Variants in GSG1L2 observed in about 807,000 individuals in gnomAD.
GSG1L2 encodes the protein germ cell-specific gene 1-like protein 2.
GSG1L2 carries 15 observed loss-of-function variants against 9.0 expected under a neutral mutation model. The ratio of observed to expected loss-of-function variants is 1.67; its 90% CI spans 1.12 to 2.57. The LOEUF (loss-of-function observed/expected upper bound fraction) is 2.57. GSG1L2 is among the 30% of genes most tolerant of loss of function. GSG1L2 has a pLI of 0.00. For synonymous variants in GSG1L2, 127 were observed against 57.9 expected, an observed-to-expected ratio of 2.19 and a Z score of -5.41; for missense variants, 286 against 150.3, an observed-to-expected ratio of 1.90 and a Z score of -4.72.
chr17:9,817,571 C>T (rs1037682136), intron 1 of GSG1L2, among the ~76,000 whole-genome samples: 1 of 151,900 alleles, frequency 6.6e-6, no homozygotes, highest in Non-Finnish European at 1.5e-5. Context: ...ATTACAGGCA[C>T]CCACCACCAC....
chr17:9,809,357 G>C (rs551029592), intron 2 of GSG1L2: 5 of 304,870 alleles, frequency 1.6e-5, no homozygotes, highest in African/African-American at 4.4e-5. Flanking sequence ...CGAAGCCACA[G>C]ACCTTCGCAG....
chr17:9,821,350 C>G (rs1262949546), intron 1 of GSG1L2, among the ~76,000 whole-genome samples: 1 of 151,988 alleles, frequency 6.6e-6, no homozygotes. Context: ...CGAGTTGGGT[C>G]GGGACCACCT....
At chr17:9,813,636 C>T (rs1369004992) in intron 1 of GSG1L2, among the ~76,000 whole-genome samples, 1 of 152,220 alleles carries the variant, frequency 6.6e-6, no homozygotes, top group South Asian at 2.1e-4. Context: ...TCAGTCCTCA[C>T]ACCCTGCTCT....
chr17:9,805,091 T>C (rs150732406), intron 4 of GSG1L2: 1 of 151,842 alleles, frequency 6.6e-6, no homozygotes, highest in Non-Finnish European at 1.5e-5. Context: ...AGAAACAAAA[T>C]ATAAAGAAAG....
intron 1 of GSG1L2, among the ~76,000 whole-genome samples, chr17:9,819,687 C>T (rs1270597826): frequency 1.3e-5 from 2 of 152,082 alleles, no homozygotes; most frequent in African/African-American, 4.8e-5. Flanking sequence ...GGCTGGAGTG[C>T]AATGGTACCA....
Position 9,802,319 on chromosome 17 carries a change from G to A in GSG1L2, c.*67C>T, listed in dbSNP as rs1331303032. 3.3e-6 allele frequency: 2 copies of A among 601,844 alleles called. No homozygotes were observed. The highest frequency in any genetic ancestry group is 2.8e-5 in the East Asian group (1 of 36,362). 37.3% of individuals were successfully genotyped at this position (601,844 alleles called of 1,614,324 possible). On this transcript the variant is annotated 3_prime_UTR_variant, in exon 5 of 5. Transcript: ENST00000399363. ...CTCCTGAAGTCCAACCCAGAGGCAG[G>A]GTGTACATTGTGAGTGTCAGTGCCT...
At chr17:9,806,157 CTT>C (rs1406113461) in intron 4 of GSG1L2, among the ~76,000 whole-genome samples, 2 of 152,186 alleles carry the variant, frequency 1.3e-5, no homozygotes, top group African/African-American at 4.8e-5. Flanking sequence ...TCACTAGTGA[CTT>C]TATTTTTCCC....
chr17:9,801,836 C>A lies in GSG1L2; in HGVS notation c.*550G>T, dbSNP rs1164342434. On this transcript the variant is annotated 3_prime_UTR_variant, in exon 5 of 5. Coordinates refer to ENST00000399363, the MANE Select transcript of GSG1L2 (RefSeq NM_001310219.2). ...ACTGATTTTACTATGAGTAGAAACA[C>A]AAAATTTCCAAGAAAAAATATTTTA... Among the ~76,000 whole-genome samples, 11 of 152,064 alleles carry A rather than the reference C, an allele frequency of 7.2e-5. No individual in the cohort carries two copies. Among genetic ancestry groups the A allele is most frequent in the Admixed American group, 7.2e-4 (11 of 15,262 alleles).
rs1209896204 is a variant in GSG1L2 at position 9,801,663 on chromosome 17, A to G, written c.*723T>C. Among the ~76,000 whole-genome samples the G allele has an allele frequency of 6.6e-6, 1 of 152,212 alleles. No individual in the cohort carries two copies. Among genetic ancestry groups the G allele is most frequent in the East Asian group, 1.9e-4 (1 of 5,200 alleles). ...CACCACTGCCTCCAACAAGACCTGC[A>G]TGTTTGGTAATGTTTATTTTTAGAA... On this transcript the variant is annotated 3_prime_UTR_variant, in exon 5 of 5. Transcript: ENST00000399363.
rs1385120718 is a variant in GSG1L2 at position 9,802,120 on chromosome 17, T to C, written c.*266A>G. ...TCTTTGGTATCCTTATCAAATTCAC[T>C]GTCATTAAGAAGCTCTCTTTTATAC... On this transcript the variant is annotated 3_prime_UTR_variant, in exon 5 of 5. Transcript: ENST00000399363. 2.6e-5 allele frequency among the ~76,000 whole-genome samples: 4 copies of C among 152,236 alleles called. No homozygotes were observed. The highest frequency in any genetic ancestry group is 1.3e-4 in the Admixed American group (2 of 15,280).
intron 1 of GSG1L2, among the ~76,000 whole-genome samples, chr17:9,814,727 G>A (rs1037513445): frequency 7.9e-5 from 12 of 152,180 alleles, no homozygotes; most frequent in Non-Finnish European, 1.8e-4. Flanking sequence ...TGCTTCAGCA[G>A]CCAAGCAGGA....
In GSG1L2 at chr17:9,821,951, G is replaced by T. The variant is rs541186493; in HGVS notation, c.121C>A (p.Pro41Thr). Residue 41 changes from proline to threonine, a missense_variant, in exon 1 of 5, where the codon CCA becomes ACA. Transcript: ENST00000399363. ...WCEGTRRVVKPLCQDQPGGQH... is the reference protein window; with the variant it reads ...WCEGTRRVVKTLCQDQPGGQH... ...CCTCCCGGCTGGTCCTGGCACAGTG[G>T]CTTCACCACCCGTCGGGTCCCCTCA... The T allele has an allele frequency of 1.1e-4, 77 of 703,144 alleles. No homozygotes were observed. Among genetic ancestry groups the T allele is most frequent in the South Asian group, 1.1e-3 (74 of 67,604 alleles). 43.6% of individuals were successfully genotyped at this position (703,144 alleles called of 1,614,324 possible).
rs1029755061 is a variant in GSG1L2 at position 9,802,405 on chromosome 17, C to A, written c.863G>T (p.Gly288Val). The change falls in exon 5 of 5, where the codon GGC becomes GTC. Residue 288 changes from glycine (G) to valine (V), a missense_variant. Coordinates refer to ENST00000399363, the MANE Select transcript of GSG1L2 (RefSeq NM_001310219.2). ...CACTGGCTAGCATATGGACACCTTG[C>A]CTGGGGCGCCTGGTGGGAGGTGTCC... ...VSGHLPPGAP[G>V]KVSIC is the part of the protein sequence containing the mutation. The A allele has an allele frequency of 7.4e-6, 5 of 672,440 alleles. No homozygotes were observed. Among genetic ancestry groups the A allele is most frequent in the Non-Finnish European group, 1.1e-5 (4 of 369,030 alleles). 41.7% of individuals were successfully genotyped at this position (672,440 alleles called of 1,614,324 possible).
chr17:9,821,312 T>C (rs1157876729), intron 1 of GSG1L2, among the ~76,000 whole-genome samples: 1 of 152,234 alleles, frequency 6.6e-6, no homozygotes, highest in Non-Finnish European at 1.5e-5. Flanking sequence ...TCATTCCAAG[T>C]GCAGGATAAA....
chr17:9,817,979 T>C (rs115466896), intron 1 of GSG1L2, among the ~76,000 whole-genome samples: 2,690 of 152,240 alleles, frequency 0.018, 95 homozygotes, highest in African/African-American at 0.061. Flanking sequence ...CCAATCTCCA[T>C]CTATTAAAAT....
At position 9,821,836 on chromosome 17, in the gene GSG1L2, C is replaced by G; in HGVS notation, c.236G>C (p.Gly79Ala). Residue 79 changes from glycine (G) to alanine (A), a missense_variant, in exon 1 of 5, where the codon GGT becomes GCT. Coordinates refer to ENST00000399363, the MANE Select transcript of GSG1L2 (RefSeq NM_001310219.2). ...SQAVLYIWEL[G>A]DDKFIQRGFH... ...CCCCCGCTGAATGAACTTGTCATCA[C>G]CCAGCTCCCAAATGTACAGGACAGC... 1 of 703,528 alleles carries G rather than the reference C, an allele frequency of 1.4e-6. No homozygotes were observed. The highest frequency in any genetic ancestry group is 2.6e-6 in the Non-Finnish European group (1 of 385,112). 43.6% of individuals were successfully genotyped at this position (703,528 alleles called of 1,614,324 possible).
At position 9,807,431 on chromosome 17, in the gene GSG1L2, T is replaced by C. The variant is rs2066519984; in HGVS notation, c.623+59A>G. On this transcript the variant is annotated intron_variant, in intron 4 of 4. Coordinates refer to ENST00000399363, the MANE Select transcript of GSG1L2 (RefSeq NM_001310219.2). Reference sequence around the variant, plus strand: ...TTGGTCATCCTACAAAACATGTGTATGTTTATGTGCATCTCTCCTGATCCT... The same window carrying C: ...TTGGTCATCCTACAAAACATGTGTACGTTTATGTGCATCTCTCCTGATCCT... 3 of 700,454 alleles carry C rather than the reference T, an allele frequency of 4.3e-6. No homozygotes were observed. In the East Asian group the frequency reaches 8.1e-5, roughly 19 times the overall value. The allele number at this position is 700,454 out of a possible 1,614,324, so 43.4% of individuals were successfully genotyped here.
intron 4 of GSG1L2, among the ~76,000 whole-genome samples, chr17:9,806,611 G>A (rs1332399597): frequency 6.6e-6 from 1 of 152,182 alleles, no homozygotes; most frequent in Non-Finnish European, 1.5e-5. Flanking sequence ...CAAAAGGAGG[G>A]CAGTACAAAT....
chr17:9,808,799 A>G, intron 3 of GSG1L2, 31 bp downstream of exon 3: 1 of 701,970 alleles, frequency 1.4e-6, no homozygotes, highest in East Asian at 2.7e-5. Context: ...CCTCTGGGGC[A>G]GCCTGTTCCA....
Sources: allele counts gnomAD v4.1 joint callset (sites outside exome capture counted in the v4.1 genomes callset), GRCh38; gene constraint gnomAD v4.1.1; transcripts MANE v1.5; gene names NCBI Gene and HGNC (gene_info 2026-07-23, HGNC 2026-07-21).